ECPAS: variants seen among roughly 807,000 people sequenced by gnomAD.
ECPAS encodes proteasome adapter and scaffold protein ECM29.
A neutral mutation model predicts 255.1 loss-of-function variants in ECPAS; 70 were observed. The ratio of observed to expected loss-of-function variants is 0.27; its 90% CI spans 0.23 to 0.33. The LOEUF is 0.33. Ranked by LOEUF, ECPAS falls within the 10% of genes least tolerant of loss-of-function variation. ECPAS has a pLI of 1.00. For synonymous variants in ECPAS, 784 were observed against 775.0 expected (o/e 1.01, Z -0.19); for missense variants, 1,817 against 2,206.4 (o/e 0.82, Z 3.54).
chr9:111,365,175 G>A (rs943441616), intron 48 of ECPAS, among the ~76,000 whole-genome samples: 7 of 152,138 alleles, frequency 4.6e-5, no homozygotes, highest in Admixed American at 6.6e-5. Flanking sequence ...GGAAACTGAG[G>A]CAGGAGAATC....
intron 2 of ECPAS, among the ~76,000 whole-genome samples, chr9:111,463,671 A>G (rs1298050844): frequency 6.6e-6 from 1 of 152,182 alleles, no homozygotes; most frequent in Non-Finnish European, 1.5e-5. Flanking sequence ...AACAGAGAAC[A>G]CAGAAAGAGA....
chr9:111,392,394 C>A (rs141141197), intron 28 of ECPAS, among the ~76,000 whole-genome samples: 1 of 152,334 alleles, frequency 6.6e-6, no homozygotes, highest in East Asian at 1.9e-4. Flanking sequence ...AGGGAGGCAA[C>A]ATGAAGCAGC....
At chr9:111,378,850 G>A (rs972004624) in intron 35 of ECPAS, 120 bp from the exon 36 acceptor site, 5 of 970,156 alleles carry the variant, frequency 5.2e-6, no homozygotes, top group Middle Eastern at 2.2e-4. Flanking sequence ...CATGGTTGCA[G>A]AGCCTGGTCT....
At chr9:111,474,189 T>C (rs1213427236) in intron 1 of ECPAS, among the ~76,000 whole-genome samples, 1 of 152,174 alleles carries the variant, frequency 6.6e-6, no homozygotes, top group Non-Finnish European at 1.5e-5. Flanking sequence ...AACCCATTCA[T>C]TCAACAAATA....
intron 2 of ECPAS, among the ~76,000 whole-genome samples, chr9:111,456,454 C>G (rs1468611992): frequency 2.6e-5 from 4 of 152,152 alleles, no homozygotes; most frequent in African/African-American, 9.7e-5. Flanking sequence ...CAAGAATGAC[C>G]CTATTTTCTA....
At chr9:111,402,530 T>C (rs2098177721) in intron 24 of ECPAS, among the ~76,000 whole-genome samples, 1 of 152,240 alleles carries the variant, frequency 6.6e-6, no homozygotes, top group South Asian at 2.1e-4. Flanking sequence ...TATTAGAGTA[T>C]CTTCAGTATC....
At position 111,449,240 on chromosome 9, in the gene ECPAS, GA is replaced by G. The variant is rs201464951; in HGVS notation, c.153+2184del. The stretch of plus-strand genomic sequence containing the variant: ...AAAAGAAATAATTTGAATAAAAATA[GA>G]AAAAAATACAGTTAAAAAGGGAACA... On this transcript the variant is annotated intron_variant, in intron 3 of 49. Transcript: ENST00000684092. Among the ~76,000 whole-genome samples, 1,024 of 151,920 alleles carry G rather than the reference GA, an allele frequency of 6.7e-3. 6 individuals are homozygous for G. The highest frequency in any genetic ancestry group is 0.011 in the Non-Finnish European group (761 of 67,938).
chr9:111,376,213 A>G (rs1266033550), intron 37 of ECPAS, among the ~76,000 whole-genome samples: 3 of 152,216 alleles, frequency 2.0e-5, no homozygotes, highest in African/African-American at 7.2e-5. Context: ...AAGACTACAG[A>G]TGTAAATTTA....
At chr9:111,387,569 T>A (rs984640465) in intron 31 of ECPAS, among the ~76,000 whole-genome samples, 1 of 151,476 alleles carries the variant, frequency 6.6e-6, no homozygotes, top group Non-Finnish European at 1.5e-5. Context: ...GGACACTGTC[T>A]CACTCACTGT....
chr9:111,375,227 G>A (rs755938937), intron 37 of ECPAS, 25 bp from the exon 38 acceptor site: 7 of 1,580,236 alleles, frequency 4.4e-6, no homozygotes, highest in Non-Finnish European at 4.3e-6. Flanking sequence ...CAAATATAAA[G>A]GTAAGCCTTG....
intron 3 of ECPAS, among the ~76,000 whole-genome samples, chr9:111,445,072 C>T (rs898850294): frequency 2.7e-5 from 4 of 147,854 alleles, no homozygotes; most frequent in Non-Finnish European, 6.0e-5. Context: ...CTCAGCTCAC[C>T]GCAACTTCTG....
At chr9:111,382,008 A>AACACACACACAC (rs72204951) in intron 35 of ECPAS, among the ~76,000 whole-genome samples, 59 of 147,126 alleles carry the variant, frequency 4.0e-4, no homozygotes, top group African/African-American at 1.4e-3. Context: ...AATTTTGTAA[A>AACACACACACAC]ACACACACAC....
intron 34 of ECPAS, among the ~76,000 whole-genome samples, chr9:111,384,132 A>G (rs1040121614): frequency 6.6e-6 from 1 of 152,218 alleles, no homozygotes; most frequent in Non-Finnish European, 1.5e-5. Context: ...AGTTCCTGAT[A>G]TATCACAAAA....
intron 2 of ECPAS, among the ~76,000 whole-genome samples, chr9:111,453,708 C>T (rs535886858): frequency 1.1e-4 from 17 of 152,286 alleles, no homozygotes; most frequent in Non-Finnish European, 2.1e-4. Context: ...AGGCATTTTA[C>T]CCCTCTGGTA....
intron 42 of ECPAS, 125 bp from the exon 43 acceptor site, chr9:111,371,954 C>G (rs1260756771): frequency 5.7e-6 from 4 of 698,402 alleles, no homozygotes; most frequent in Non-Finnish European, 9.6e-6. Context: ...AAACACACCA[C>G]TCTCTCAAAG....
chr9:111,443,918 A>G (rs1288830194), intron 4 of ECPAS, among the ~76,000 whole-genome samples: 1 of 152,228 alleles, frequency 6.6e-6, no homozygotes, highest in East Asian at 1.9e-4. Flanking sequence ...TCCACTTTAT[A>G]AAAAAGATCT....
intron 46 of ECPAS, among the ~76,000 whole-genome samples, chr9:111,367,984 A>G (rs2098122493): frequency 6.6e-6 from 1 of 151,610 alleles, no homozygotes; most frequent in Non-Finnish European, 1.5e-5. Flanking sequence ...AAAGGCTGCA[A>G]GAACTGCACC....
intron 7 of ECPAS, among the ~76,000 whole-genome samples, chr9:111,436,312 C>T (rs984202803): frequency 6.6e-6 from 1 of 152,328 alleles, no homozygotes; most frequent in East Asian, 1.9e-4. Context: ...ATCTGTTCTT[C>T]CCTGAAGTGC....
intron 25 of ECPAS, 76 bp downstream of exon 25, chr9:111,396,954 T>C (rs1337537571): frequency 6.4e-7 from 1 of 1,557,898 alleles, no homozygotes; most frequent in East Asian, 2.3e-5. Context: ...GTGTAATGTT[T>C]TTGCCTCAAA....
Sources: gnomAD v4.1 joint callset for allele counts (sites outside exome capture counted in the v4.1 genomes callset) on GRCh38, gnomAD v4.1.1 for gene constraint, MANE v1.5 for transcripts, NCBI Gene and HGNC (gene_info 2026-07-23, HGNC 2026-07-21) for gene names.